The following ATAD1 variants were observed in gnomAD, a reference collection of about 807,000 sequenced individuals.
The protein encoded by ATAD1 is ATPase family AAA domain containing 1.
ATAD1 carries 18 observed loss-of-function variants against 42.7 expected under a neutral mutation model. The ratio of observed to expected loss-of-function variants is 0.42; its 90% CI spans 0.29 to 0.63. The LOEUF (loss-of-function observed/expected upper bound fraction) is 0.63, where lower values mean the gene tolerates loss of function less well. Ranked by LOEUF, ATAD1 falls within the 20% of genes least tolerant of loss-of-function variation. The pLI, the probability that ATAD1 is intolerant of heterozygous loss-of-function variation, is 0.19. For synonymous variants in ATAD1, 132 were observed against 143.1 expected, an observed-to-expected ratio of 0.92 and a Z score of 0.55; for missense variants, 294 against 440.4, an observed-to-expected ratio of 0.67 and a Z score of 2.98.
chr10:87,784,513 A>C lies in ATAD1; in HGVS notation c.540T>G (p.Leu180=), dbSNP rs1855727624. 1 of 1,613,738 alleles carries C rather than the reference A, an allele frequency of 6.2e-7. No individual in the cohort carries two copies. Among genetic ancestry groups the C allele is most frequent in the Non-Finnish European group, 8.5e-7 (1 of 1,179,794 alleles). Residue 180 remains leucine, a synonymous_variant, in exon 5 of 10, where the codon CTT becomes CTG. Transcript: ENST00000680024. ...SQKLAAAVFS[L]AIKLQPSIIF... ...TGATGGATGGTTGTAGCTTTATGGC[A>C]AGGGAGAAGACAGCAGCAGCCAATT...
intron 2 of ATAD1, among the ~76,000 whole-genome samples, chr10:87,798,712 C>T (rs12782454): frequency 0.32 from 47,761 of 150,194 alleles, 7,972 homozygotes; most frequent in African/African-American, 0.38. Context: ...ATTAAATCCA[C>T]TTTAATTTCC....
chr10:87,803,631 C>T (rs761652579), intron 2 of ATAD1, among the ~76,000 whole-genome samples: 11 of 152,320 alleles, frequency 7.2e-5, no homozygotes, highest in African/African-American at 2.4e-4. Context: ...TGCTGACTGA[C>T]GTCTCATGTA....
intron 4 of ATAD1, 145 bp downstream of exon 4, chr10:87,790,165 G>A (rs911382492): frequency 3.6e-6 from 3 of 844,138 alleles, no homozygotes; most frequent in Non-Finnish European, 5.2e-6. Flanking sequence ...GCTGAAGAAT[G>A]AGCAATTATT....
upstream of ATAD1, among the ~76,000 whole-genome samples, chr10:87,819,713 T>G (rs1589569299): frequency 6.6e-6 from 1 of 152,200 alleles, no homozygotes; most frequent in East Asian, 1.9e-4. Flanking sequence ...AGGCAACAAT[T>G]TCATTGGAAC....
chr10:87,766,094 A>T (rs1484863002), intron 8 of ATAD1, among the ~76,000 whole-genome samples: 1 of 152,140 alleles, frequency 6.6e-6, no homozygotes, highest in African/African-American at 2.4e-5. Flanking sequence ...TCTATCTATC[A>T]TGTTGGCACG....
At chr10:87,761,253 G>C (rs1854471279) in intron 8 of ATAD1, among the ~76,000 whole-genome samples, 1 of 152,068 alleles carries the variant, frequency 6.6e-6, no homozygotes, top group Admixed American at 6.6e-5. Context: ...CCAACCAGTG[G>C]GAAATGACGA....
intron 1 of ATAD1, among the ~76,000 whole-genome samples, chr10:87,836,839 A>T (rs1315092692): frequency 6.6e-6 from 1 of 152,208 alleles, no homozygotes; most frequent in Admixed American, 6.5e-5. Context: ...GTGTCCCACC[A>T]GTCCCTCAGG....
intron 8 of ATAD1, among the ~76,000 whole-genome samples, chr10:87,765,859 C>T (rs542307021): frequency 6.6e-6 from 1 of 152,096 alleles, no homozygotes; most frequent in South Asian, 2.1e-4. Flanking sequence ...AAGATACCAT[C>T]TCAACAAAAT....
At chr10:87,821,750 A>G (rs147470093), upstream of ATAD1, among the ~76,000 whole-genome samples, 1,489 of 152,326 alleles carry the variant, frequency 9.8e-3, 14 homozygotes, top group South Asian at 0.03. Flanking sequence ...TACCCTCACC[A>G]GACAGAGTAT....
intron 2 of ATAD1, among the ~76,000 whole-genome samples, chr10:87,814,103 T>C (rs943498161): frequency 1.3e-5 from 2 of 152,116 alleles, no homozygotes; most frequent in South Asian, 2.1e-4. Flanking sequence ...AAAAGGCATA[T>C]CATTACTGAA....
At chr10:87,838,320 A>G (rs1401486379) in intron 1 of ATAD1, among the ~76,000 whole-genome samples, 1 of 152,114 alleles carries the variant, frequency 6.6e-6, no homozygotes, top group African/African-American at 2.4e-5. Flanking sequence ...TGAGGTCAGG[A>G]GTTCAAGACC....
At chr10:87,770,366 T>A (rs879349095) in intron 7 of ATAD1, among the ~76,000 whole-genome samples, 1 of 152,226 alleles carries the variant, frequency 6.6e-6, no homozygotes, top group African/African-American at 2.4e-5. Context: ...AAAATTATAG[T>A]GTACTGGTAA....
chr10:87,791,870 G>A (rs185510328), intron 3 of ATAD1, among the ~76,000 whole-genome samples: 70 of 152,236 alleles, frequency 4.6e-4, no homozygotes, highest in Admixed American at 7.2e-4. Flanking sequence ...ATACATGAGG[G>A]AACTGAGACT....
chr10:87,760,115 T>C (rs1225060368), intron 8 of ATAD1, among the ~76,000 whole-genome samples: 1 of 152,142 alleles, frequency 6.6e-6, no homozygotes, highest in Non-Finnish European at 1.5e-5. Flanking sequence ...GTAAATAACA[T>C]CTATGTACTC....
At chr10:87,776,094 G>A (rs142619047) in intron 6 of ATAD1, among the ~76,000 whole-genome samples, 14 of 152,226 alleles carry the variant, frequency 9.2e-5, no homozygotes, top group African/African-American at 2.9e-4. Context: ...CTTCTGCTGT[G>A]TCTGTTTCAG....
chr10:87,783,635 TGTATTA>T (rs1488541133), intron 5 of ATAD1, among the ~76,000 whole-genome samples: 1 of 151,426 alleles, frequency 6.6e-6, no homozygotes, highest in Non-Finnish European at 1.5e-5. Flanking sequence ...CTAATAATAC[TGTATTA>T]GTATAACTAT....
chr10:87,757,926 TA>T (rs1274015744), intron 8 of ATAD1, among the ~76,000 whole-genome samples: 8 of 152,216 alleles, frequency 5.3e-5, no homozygotes, highest in Non-Finnish European at 4.4e-5. Context: ...CTCTCATTCC[TA>T]AACATGAGGG....
At chr10:87,756,565 C>G (rs534257207) in intron 9 of ATAD1, among the ~76,000 whole-genome samples, 1 of 152,248 alleles carries the variant, frequency 6.6e-6, no homozygotes, top group Non-Finnish European at 1.5e-5. Flanking sequence ...AGAAATTCAC[C>G]TTTTTTCTCC....
intron 5 of ATAD1, among the ~76,000 whole-genome samples, chr10:87,781,192 A>G (rs1171147748): frequency 1.3e-5 from 2 of 152,202 alleles, no homozygotes; most frequent in Admixed American, 6.5e-5. Context: ...ATTAAAAAAA[A>G]GTCAACATAA....
Sources: gnomAD v4.1 joint callset for allele counts (sites outside exome capture counted in the v4.1 genomes callset) on GRCh38, gnomAD v4.1.1 for gene constraint, MANE v1.5 for transcripts, NCBI Gene and HGNC (gene_info 2026-07-23, HGNC 2026-07-21) for gene names.